The following EBF1 variants were observed in gnomAD, a reference collection of about 807,000 sequenced individuals.
EBF1 encodes the protein EBF transcription factor 1.
EBF1 carries 10 observed loss-of-function variants against 68.4 expected under a neutral mutation model. The ratio of observed to expected loss-of-function variants is 0.15; its 90% CI spans 0.09 to 0.25. EBF1 has a LOEUF of 0.25. Ranked by LOEUF, EBF1 falls within the 10% of genes least tolerant of loss-of-function variation. The pLI is 1.00. For missense variants in EBF1, 509 were observed against 794.4 expected (o/e 0.64, Z 4.32); for synonymous variants, 298 against 299.8 (o/e 0.99, Z 0.06).
chr5:159,002,886 G>T (rs1048954816), intron 6 of EBF1, among the ~76,000 whole-genome samples: 4 of 152,210 alleles, frequency 2.6e-5, no homozygotes, highest in African/African-American at 7.2e-5. Context: ...TGGATGGAGA[G>T]CTAGAGGACT....
At chr5:158,919,545 A>G (rs151126917) in intron 6 of EBF1, among the ~76,000 whole-genome samples, 45 of 152,292 alleles carry the variant, frequency 3.0e-4, no homozygotes, top group African/African-American at 9.9e-4. Context: ...ACAAATCATC[A>G]ATGTCTAGCA....
At chr5:158,832,588 G>A (rs1410573729) in intron 7 of EBF1, among the ~76,000 whole-genome samples, 4 of 152,168 alleles carry the variant, frequency 2.6e-5, no homozygotes, top group Non-Finnish European at 4.4e-5. Flanking sequence ...AACAATATAA[G>A]TACATCCAAG....
chr5:158,806,080 AAG>A (rs1464114441), intron 8 of EBF1, among the ~76,000 whole-genome samples: 1 of 152,096 alleles, frequency 6.6e-6, no homozygotes, highest in Admixed American at 6.6e-5. Context: ...AGAAGCAGTG[AAG>A]TCATTTATTG....
chr5:158,969,901 AAAG>A (rs1329556549), intron 6 of EBF1, among the ~76,000 whole-genome samples: 1,262 of 118,340 alleles, frequency 0.011, 31 homozygotes, highest in Admixed American at 0.015. Context: ...AGAAAGAAAG[AAAG>A]AAAGAAAGAA....
chr5:159,057,104 CTTTT>C (rs1205129627), intron 6 of EBF1, among the ~76,000 whole-genome samples: 1 of 110,642 alleles, frequency 9.0e-6, no homozygotes, highest in Non-Finnish European at 1.9e-5. Flanking sequence ...CTTTTCTTTT[CTTTT>C]TTTTTTTTTT....
chr5:158,826,525 T>A (rs1786165807), intron 7 of EBF1, among the ~76,000 whole-genome samples: 1 of 152,230 alleles, frequency 6.6e-6, no homozygotes, highest in African/African-American at 2.4e-5. Flanking sequence ...CACTTGATTC[T>A]TGAAGATGTC....
At chr5:159,013,306 CAG>C (rs1765025502) in intron 6 of EBF1, among the ~76,000 whole-genome samples, 1 of 152,164 alleles carries the variant, frequency 6.6e-6, no homozygotes, top group Admixed American at 6.5e-5. Flanking sequence ...GCCCTGCCCT[CAG>C]TGAGCTTACA....
intron 6 of EBF1, among the ~76,000 whole-genome samples, chr5:159,036,197 C>T (rs536230743): frequency 6.6e-6 from 1 of 152,278 alleles, no homozygotes; most frequent in East Asian, 1.9e-4. Context: ...TGGGTTGGCA[C>T]TTTTAGATAC....
chr5:159,046,464 T>A (rs1003369602), intron 6 of EBF1, among the ~76,000 whole-genome samples: 7 of 152,206 alleles, frequency 4.6e-5, no homozygotes, highest in African/African-American at 7.2e-5. Context: ...GTAAGAGCCA[T>A]GGGCCTAAGT....
chr5:158,840,665 T>TG (rs1790102797), intron 6 of EBF1, among the ~76,000 whole-genome samples: 2 of 78,108 alleles, frequency 2.6e-5, no homozygotes, highest in African/African-American at 5.0e-5. Context: ...TTTTTTTTTT[T>TG]TTTTTTTGTT....
chr5:158,965,523 A>G (rs909366797), intron 6 of EBF1, among the ~76,000 whole-genome samples: 2 of 152,216 alleles, frequency 1.3e-5, no homozygotes, highest in Admixed American at 6.5e-5. Flanking sequence ...TTGAAAATCC[A>G]TACAGTTAAA....
At chr5:158,945,843 C>T (rs977633856) in intron 6 of EBF1, among the ~76,000 whole-genome samples, 5 of 152,192 alleles carry the variant, frequency 3.3e-5, no homozygotes, top group African/African-American at 1.2e-4. Flanking sequence ...TTGGTCTTTT[C>T]ACATAGTCTC....
At chr5:158,978,234 G>C (rs1230139005) in intron 6 of EBF1, among the ~76,000 whole-genome samples, 1 of 152,224 alleles carries the variant, frequency 6.6e-6, no homozygotes, top group Non-Finnish European at 1.5e-5. Context: ...CCTGACCCCC[G>C]ACATGCGGCC....
chr5:158,887,862 G>A (rs1284403607), intron 6 of EBF1, among the ~76,000 whole-genome samples: 1 of 152,130 alleles, frequency 6.6e-6, no homozygotes, highest in Non-Finnish European at 1.5e-5. Context: ...AGAGTGGGGG[G>A]AAAAGCCTTA....
intron 6 of EBF1, among the ~76,000 whole-genome samples, chr5:159,008,728 G>A (rs1354824404): frequency 4.0e-5 from 6 of 151,858 alleles, no homozygotes; most frequent in African/African-American, 7.3e-5. Context: ...GTAGAGACAA[G>A]GTTTCACCAT....
rs139696483 is a variant in EBF1, at chr5:158,883,648, G to C, written c.555-43538C>G. On this transcript the variant is annotated intron_variant, in intron 6 of 15. Coordinates refer to ENST00000313708, the MANE Select transcript of EBF1 (RefSeq NM_024007.5). ...ATCTCCAAGTCTCACAATCCTATGA[G>C]AGTAGTTAGCCCCGTTTTACAAGTA... is the stretch of plus-strand genomic sequence containing the variant. Among the ~76,000 whole-genome samples the C allele has an allele frequency of 1.2e-4, 19 of 152,194 alleles. No homozygotes were observed. The East Asian group carries it at 3.7e-3, about 29-fold the overall frequency.
intron 9 of EBF1, among the ~76,000 whole-genome samples, chr5:158,790,031 T>C (rs1345610): frequency 0.15 from 22,662 of 152,218 alleles, 2,702 homozygotes; most frequent in African/African-American, 0.33. Context: ...CTATATTCAC[T>C]CACAGGTCTC....
intron 5 of EBF1, among the ~76,000 whole-genome samples, chr5:159,075,975 C>T (rs1190004682): frequency 1.3e-5 from 2 of 152,130 alleles, no homozygotes; most frequent in Non-Finnish European, 2.9e-5. Context: ...GCCTATAGCT[C>T]CTTCCCCAGA....
intron 6 of EBF1, among the ~76,000 whole-genome samples, chr5:158,953,291 C>T (rs1213691511): frequency 6.6e-6 from 1 of 152,174 alleles, no homozygotes; most frequent in Non-Finnish European, 1.5e-5. Flanking sequence ...GTTGTAATTG[C>T]TCCTTTCTTC....
Sources: allele counts gnomAD v4.1 joint callset (sites outside exome capture counted in the v4.1 genomes callset), GRCh38; gene constraint gnomAD v4.1.1; transcripts MANE v1.5; gene names NCBI Gene and HGNC (gene_info 2026-07-23, HGNC 2026-07-21).